ARHGEF3: variants seen among roughly 807,000 people sequenced by gnomAD.
ARHGEF3 encodes the protein Rho guanine nucleotide exchange factor 3, also known as 59.8 kDA protein.
Under a neutral mutation model 63.2 loss-of-function variants are expected in ARHGEF3, and 28 were observed. The ratio of observed to expected loss-of-function variants is 0.44; its 90% CI spans 0.33 to 0.61. The LOEUF (loss-of-function observed/expected upper bound fraction) is 0.61. ARHGEF3 is among the 20% of genes least tolerant of loss of function. The pLI is 0.03. For missense variants in ARHGEF3, 533 were observed against 659.3 expected, an observed-to-expected ratio of 0.81 and a Z score of 2.10; for synonymous variants, 266 against 254.2, an observed-to-expected ratio of 1.05 and a Z score of -0.44.
chr3:56,736,867 C>T (rs576081568), intron 8 of ARHGEF3, among the ~76,000 whole-genome samples: 1 of 152,050 alleles, frequency 6.6e-6, no homozygotes, highest in Non-Finnish European at 1.5e-5. Context: ...ATAAGGCAGG[C>T]GGATCACTTG....
At chr3:57,047,910 C>T (rs1208450692) in intron 1 of ARHGEF3, among the ~76,000 whole-genome samples, 23 of 152,118 alleles carry the variant, frequency 1.5e-4, no homozygotes. Context: ...CCAGACATTA[C>T]TAAAATACCC....
chr3:56,785,497 G>A (rs1172883883), intron 1 of ARHGEF3, among the ~76,000 whole-genome samples: 1 of 152,148 alleles, frequency 6.6e-6, no homozygotes, highest in South Asian at 2.1e-4. Context: ...GGCAATGAGA[G>A]GAACTCTGGT....
intron 4 of ARHGEF3, among the ~76,000 whole-genome samples, chr3:56,852,525 C>T (rs897482489): frequency 6.6e-6 from 1 of 152,142 alleles, no homozygotes; most frequent in African/African-American, 2.4e-5. Flanking sequence ...TGCACACACA[C>T]ATCCAAAGAC....
chr3:56,930,270 G>A (rs2042376300), intron 3 of ARHGEF3, among the ~76,000 whole-genome samples: 1 of 152,172 alleles, frequency 6.6e-6, no homozygotes, highest in Non-Finnish European at 1.5e-5. Flanking sequence ...TGCCAGGCCA[G>A]CAGAAACGAA....
chr3:56,738,838 C>T (rs2033817090), intron 7 of ARHGEF3, among the ~76,000 whole-genome samples: 1 of 152,058 alleles, frequency 6.6e-6, no homozygotes, highest in Non-Finnish European at 1.5e-5. Flanking sequence ...TGCCTGTGAT[C>T]CCAGCACTTT....
In ARHGEF3 at chr3:56,729,118, C is replaced by G; in HGVS notation, c.*152G>C. ...CACAGACAGATTGGCAGTTACAGTA[C>G]TAGGGACAAAGGTACAGATACGAGA... On this transcript the variant is annotated 3_prime_UTR_variant, in exon 10 of 10. Transcript: ENST00000296315. The G allele has an allele frequency of 1.5e-6, 1 of 664,132 alleles. No homozygotes were observed. Among genetic ancestry groups the G allele is most frequent in the Non-Finnish European group, 2.5e-6 (1 of 396,650 alleles). The allele number at this position is 664,132 out of a possible 1,614,324, so 41.1% of individuals were successfully genotyped here. A position where few individuals can be genotyped will look rare whatever the true frequency, so the allele number is the denominator to read the frequency against.
intron 2 of ARHGEF3, among the ~76,000 whole-genome samples, chr3:56,771,298 G>C (rs2035992907): frequency 6.6e-6 from 1 of 152,102 alleles, no homozygotes; most frequent in African/African-American, 2.4e-5. Context: ...TCTGAGGTGA[G>C]CAAATGTTTC....
chr3:56,969,665 G>T (rs1226643911), intron 2 of ARHGEF3, among the ~76,000 whole-genome samples: 2 of 151,140 alleles, frequency 1.3e-5, no homozygotes, highest in African/African-American at 4.9e-5. Context: ...CAGCTACTTG[G>T]GAGGCTGAGG....
intron 4 of ARHGEF3, among the ~76,000 whole-genome samples, chr3:56,847,242 C>A (rs184874178): frequency 2.6e-5 from 4 of 152,340 alleles, no homozygotes; most frequent in Admixed American, 6.5e-5. Context: ...CCCAGCTCCT[C>A]ATAATTCACT....
chr3:56,753,055 C>T (rs534226965), intron 4 of ARHGEF3, among the ~76,000 whole-genome samples: 1 of 152,188 alleles, frequency 6.6e-6, no homozygotes, highest in Non-Finnish European at 1.5e-5. Flanking sequence ...AAAACAAATT[C>T]CTATATAAAA....
chr3:56,846,774 G>C lies in ARHGEF3; in HGVS notation c.192+35518C>G, dbSNP rs184506148. On this transcript the variant is annotated intron_variant, in intron 4 of 12. Coordinates refer to the ARHGEF3 transcript ENST00000338458. ...TTGTCTCTAGTGATCCCAGGGTCTT[G>C]TGTCCTCTTCCTTTCCCTTCCTTTC... is the stretch of plus-strand genomic sequence containing the variant. 3.3e-3 allele frequency among the ~76,000 whole-genome samples: 498 copies of C among 152,208 alleles called. 4 individuals are homozygous for C. Among genetic ancestry groups the C allele is most frequent in the African/African-American group, 0.011 (464 of 41,502 alleles).
chr3:56,902,870 C>T (rs2041561533), intron 3 of ARHGEF3, among the ~76,000 whole-genome samples: 1 of 152,188 alleles, frequency 6.6e-6, no homozygotes, highest in Non-Finnish European at 1.5e-5. Flanking sequence ...CAACCCAAGT[C>T]AGGCAACAGA....
At chr3:56,992,407 A>AAAAAAAAAC (rs1553799653) in intron 2 of ARHGEF3, among the ~76,000 whole-genome samples, 1 of 116,178 alleles carries the variant, frequency 8.6e-6, no homozygotes, top group Non-Finnish European at 2.0e-5. Flanking sequence ...AAAAAAAAAA[A>AAAAAAAAAC]AAAAAAACAG....
chr3:56,887,873 G>A (rs2108272984), intron 3 of ARHGEF3, among the ~76,000 whole-genome samples: 1 of 152,374 alleles, frequency 6.6e-6, no homozygotes, highest in East Asian at 1.9e-4. Flanking sequence ...CAGTAGGTCA[G>A]TGAATAATTT....
chr3:56,968,254 A>T (rs1700730252), intron 2 of ARHGEF3, among the ~76,000 whole-genome samples: 60 of 49,074 alleles, frequency 1.2e-3, no homozygotes, highest in African/African-American at 3.9e-3. Context: ...ATTAATATAT[A>T]ATATTTAAAT....
At chr3:56,855,065 T>A (rs1231648860) in intron 4 of ARHGEF3, among the ~76,000 whole-genome samples, 1 of 151,536 alleles carries the variant, frequency 6.6e-6, no homozygotes, top group African/African-American at 2.4e-5. Flanking sequence ...GGCAGTTGAG[T>A]CACTTATTCA....
At chr3:56,733,958 T>G (rs897011020) in intron 8 of ARHGEF3, among the ~76,000 whole-genome samples, 3 of 121,018 alleles carry the variant, frequency 2.5e-5, no homozygotes, top group African/African-American at 9.9e-5. Flanking sequence ...CACTCCAGTC[T>G]GGGCGACAAA....
chr3:56,908,227 G>A (rs2041756698), intron 3 of ARHGEF3, among the ~76,000 whole-genome samples: 1 of 152,192 alleles, frequency 6.6e-6, no homozygotes, highest in Non-Finnish European at 1.5e-5. Context: ...ATTTCCTGAT[G>A]GCTGTTAAAA....
Position 56,770,361 on chromosome 3 carries a change from G to C in ARHGEF3, c.204+3348C>G, listed in dbSNP as rs183499113. Among the ~76,000 whole-genome samples the C allele has an allele frequency of 4.8e-3, 724 of 152,052 alleles. 17 individuals carry two copies. The highest frequency in any genetic ancestry group is 0.041 in the Admixed American group (622 of 15,270). On this transcript the variant is annotated intron_variant, in intron 2 of 9. Coordinates refer to ENST00000296315, the MANE Select transcript of ARHGEF3 (RefSeq NM_019555.3). ...GGAGGCGCAGGTGGAGGTGAGCCAC[G>C]ATCACGCCACTGCACTCCAGCCTGG...
Sources: gnomAD v4.1 joint callset for allele counts (sites outside exome capture counted in the v4.1 genomes callset) on GRCh38, gnomAD v4.1.1 for gene constraint, MANE v1.5 for transcripts, NCBI Gene and HGNC (gene_info 2026-07-23, HGNC 2026-07-21) for gene names.